The following PCBP2 variants were observed in gnomAD, a reference collection of about 807,000 sequenced individuals.
The protein encoded by PCBP2 is poly(rC)-binding protein 2.
A neutral mutation model predicts 50.1 loss-of-function variants in PCBP2; 4 were observed. The ratio of observed to expected loss-of-function variants is 0.08; its 90% CI spans 0.04 to 0.18. The LOEUF is 0.18. Among genes scored for constraint, PCBP2 ranks in the 10% least tolerant of loss-of-function variants. PCBP2 has a pLI of 1.00. For missense variants in PCBP2, 161 were observed against 474.3 expected (o/e 0.34, Z 6.14); for synonymous variants, 179 against 168.0 (o/e 1.07, Z -0.51).
intron 14 of PCBP2, among the ~76,000 whole-genome samples, chr12:53,474,246 T>C (rs1001604566): frequency 3.9e-5 from 6 of 152,048 alleles, no homozygotes; most frequent in African/African-American, 1.5e-4. Context: ...CCCTAGTTCT[T>C]ATCTACACTT....
intron 9 of PCBP2, among the ~76,000 whole-genome samples, chr12:53,465,650 C>G (rs559891183): frequency 6.6e-6 from 1 of 152,244 alleles, no homozygotes; most frequent in African/African-American, 2.4e-5. Flanking sequence ...AATCTCACTT[C>G]CCACATTTTC....
intron 6 of PCBP2, chr12:53,459,841 C>T (rs1941320146): frequency 6.6e-6 from 3 of 454,214 alleles, no homozygotes; most frequent in South Asian, 1.6e-5. Flanking sequence ...TGCAGCAAAA[C>T]ATCGACCTTC....
At position 53,480,747 on chromosome 12, in the gene PCBP2, C is replaced by T. The variant is rs1197455335; in HGVS notation, c.*1305C>T. 1 of 152,600 alleles carries T rather than the reference C, an allele frequency of 6.6e-6. No homozygotes were observed. The highest frequency in any genetic ancestry group is 1.5e-5 in the Non-Finnish European group (1 of 68,056). The allele number at this position is 152,600 out of a possible 1,614,324, so 9.5% of individuals were successfully genotyped here. ...GAAACCTCAGAGGGGAGGACCCAGC[C>T]TTAGCCTCCCTCCTCCCAAGTGCAA... On this transcript the variant is annotated 3_prime_UTR_variant, in exon 15 of 15. Transcript: ENST00000546463.
intron 14 of PCBP2, among the ~76,000 whole-genome samples, chr12:53,472,747 G>C (rs929402337): frequency 2.0e-5 from 3 of 152,150 alleles, no homozygotes; most frequent in African/African-American, 7.2e-5. Flanking sequence ...TACTGACCAT[G>C]TATATATGCT....
chr12:53,477,685 A>C (rs1378018201), intron 14 of PCBP2, among the ~76,000 whole-genome samples: 6 of 146,784 alleles, frequency 4.1e-5, no homozygotes, highest in Non-Finnish European at 4.5e-5. Flanking sequence ...AAAAAAAAAA[A>C]AAAAAAAAAC....
chr12:53,452,537 C>G (rs1429712925), intron 1 of PCBP2, among the ~76,000 whole-genome samples, 161 bp downstream of exon 1: 1 of 151,464 alleles, frequency 6.6e-6, no homozygotes, highest in Non-Finnish European at 1.5e-5. Context: ...CACGCGAGGC[C>G]CTGGCTCTGG....
At chr12:53,472,408 C>T (rs1166730834) in intron 14 of PCBP2, among the ~76,000 whole-genome samples, 1 of 152,202 alleles carries the variant, frequency 6.6e-6, no homozygotes, top group Non-Finnish European at 1.5e-5. Context: ...TAATGACTTC[C>T]TGAGGGTTTT....
intron 9 of PCBP2, 68 bp downstream of exon 9, chr12:53,464,920 C>T (rs777847518): frequency 1.5e-5 from 22 of 1,500,704 alleles, no homozygotes; most frequent in Admixed American, 5.0e-5. Flanking sequence ...TGCCAACACA[C>T]GGGGGGCCAG....
intron 7 of PCBP2, among the ~76,000 whole-genome samples, chr12:53,461,738 T>C (rs1400022270): frequency 2.6e-5 from 4 of 151,968 alleles, no homozygotes; most frequent in Non-Finnish European, 5.9e-5. Context: ...GTGTGACGGG[T>C]TCACTTTGTC....
chr12:53,453,823 G>A (rs912959386), intron 1 of PCBP2, among the ~76,000 whole-genome samples: 1 of 152,200 alleles, frequency 6.6e-6, no homozygotes, highest in African/African-American at 2.4e-5. Context: ...AAGCAGAAAT[G>A]TTAGGAACAA....
chr12:53,471,509 G>T, intron 13 of PCBP2, 129 bp from the exon 14 acceptor site: 3 of 836,604 alleles, frequency 3.6e-6, no homozygotes, highest in Admixed American at 3.3e-5. Context: ...AGGTTGCACA[G>T]TGAGCCAAGA....
chr12:53,480,873 T>TAA lies in PCBP2; in HGVS notation c.*1433_*1434dup, dbSNP rs957363975. On this transcript the variant is annotated 3_prime_UTR_variant, in exon 15 of 15. Transcript: ENST00000546463. ...CCCCCCACCCCCTATTATTTGGGGA[T>TAA]AAAGAATATAAAGACAACCCTGGCT... 49 of 148,798 alleles carry TAA rather than the reference T, an allele frequency of 3.3e-4. 1 individual carries two copies. The highest frequency in any genetic ancestry group is 2.2e-3 in the Admixed American group (33 of 14,932). 9.2% of individuals were successfully genotyped at this position (148,798 alleles called of 1,614,324 possible).
chr12:53,473,237 A>G lies in PCBP2; in HGVS notation c.1052+1430A>G, dbSNP rs1018086006. ...TAGCTGGGACTTACAGGCACGTGCC[A>G]CCACGTCCAGCTAATTTTTGTATTT... On this transcript the variant is annotated intron_variant, in intron 14 of 14. Transcript: ENST00000546463. 1.8e-4 allele frequency among the ~76,000 whole-genome samples: 27 copies of G among 152,010 alleles called. No homozygotes were observed. The South Asian group carries it at 1.9e-3, about 11-fold the overall frequency.
In PCBP2 at chr12:53,455,513, G is replaced by C; in HGVS notation, c.126+20G>C. 6.2e-7 allele frequency: 1 copy of C among 1,612,372 alleles called. No homozygotes were observed. Among genetic ancestry groups the C allele is most frequent in the Non-Finnish European group, 8.5e-7 (1 of 1,178,548 alleles). On this transcript the variant is annotated intron_variant, in intron 4 of 14. Transcript: ENST00000546463. ...GAGGAGGTAAGTTATGAAAGACTGA[G>C]ATTGTTAACTTTGGGAAGTAAAAAA...
chr12:53,472,007 G>A (rs375956167), intron 14 of PCBP2, among the ~76,000 whole-genome samples, 200 bp downstream of exon 14: 3 of 150,024 alleles, frequency 2.0e-5, no homozygotes, highest in African/African-American at 4.9e-5. Flanking sequence ...GGGTTGGTGG[G>A]GGGGGGAGCA....
rs1311757794 is a variant in PCBP2, at chr12:53,462,486, C to T, written c.505-7C>T. On this transcript the variant is annotated splice_region_variant and splice_polypyrimidine_tract_variant and intron_variant, in intron 7 of 14. Coordinates refer to ENST00000546463, the MANE Select transcript of PCBP2 (RefSeq NM_031989.5). ...TTTTGTTTTTTTCCCCTCTGACTCT[C>T]TCCCAGTCCCCCCCGAAGGGCGTGA... 1 of 1,609,040 alleles carries T rather than the reference C, an allele frequency of 6.2e-7. No individual in the cohort carries two copies. Among genetic ancestry groups the T allele is most frequent in the African/African-American group, 1.3e-5 (1 of 74,806 alleles).
rs762921515 is a variant in PCBP2, at chr12:53,460,848, C to G, written c.376-167C>G. Reference sequence around the variant, plus strand: ...CTAATTTATTTTTAACTCTAATTCACTAAACAGTCCTATCTGGAATAAGGG... The same window carrying G: ...CTAATTTATTTTTAACTCTAATTCAGTAAACAGTCCTATCTGGAATAAGGG... On this transcript the variant is annotated intron_variant, in intron 6 of 14. Transcript: ENST00000546463. The G allele has an allele frequency of 1.9e-5, 12 of 630,448 alleles. No individual in the cohort carries two copies. The Middle Eastern group carries it at 1.4e-3, about 75-fold the overall frequency. The allele number at this position is 630,448 out of a possible 1,614,324, so 39.1% of individuals were successfully genotyped here.
At chr12:53,455,591 G>A (rs1430566247) in intron 4 of PCBP2, 98 bp downstream of exon 4, 3 of 1,241,902 alleles carry the variant, frequency 2.4e-6, no homozygotes, top group Non-Finnish European at 3.5e-6. Context: ...TCTCAATAAG[G>A]GAAATATGTA....
chr12:53,460,177 C>T, intron 6 of PCBP2: 1 of 219,048 alleles, frequency 4.6e-6, no homozygotes, highest in African/African-American at 2.4e-5. Flanking sequence ...GGGTCTCACT[C>T]AGGCTGAAGT....
Sources: allele counts gnomAD v4.1 joint callset (sites outside exome capture counted in the v4.1 genomes callset), GRCh38; gene constraint gnomAD v4.1.1; transcripts MANE v1.5; gene names NCBI Gene and HGNC (gene_info 2026-07-23, HGNC 2026-07-21).